CGGBP1: variants seen among roughly 807,000 people sequenced by gnomAD.
CGGBP1 encodes CGG triplet repeat-binding protein 1.
A neutral mutation model predicts 11.4 loss-of-function variants in CGGBP1; 4 were observed. That is an observed-to-expected ratio of 0.35 (90% CI 0.17 to 0.80). The LOEUF (loss-of-function observed/expected upper bound fraction) is 0.80. Ranked by LOEUF, CGGBP1 falls within the 30% of genes least tolerant of loss-of-function variation. The pLI is 0.52. For synonymous variants in CGGBP1, 76 were observed against 74.1 expected (o/e 1.03, Z -0.13); for missense variants, 135 against 202.1 (o/e 0.67, Z 2.01).
chr3:88,089,219 C>T (rs1260338727), intron 2 of CGGBP1, among the ~76,000 whole-genome samples: 2 of 144,778 alleles, frequency 1.4e-5, no homozygotes, highest in Non-Finnish European at 3.0e-5. Flanking sequence ...AGCCCGGGTG[C>T]GGTGGCTCAC....
Position 88,055,696 on chromosome 3 carries a change from C to A in CGGBP1, c.281G>T (p.Ser94Ile). 6.2e-7 allele frequency: 1 copy of A among 1,614,212 alleles called. No individual in the cohort carries two copies. Among genetic ancestry groups the A allele is most frequent in the Non-Finnish European group, 8.5e-7 (1 of 1,180,038 alleles). The change falls in exon 4 of 4, where the codon AGT becomes ATT. Residue 94 changes from serine to isoleucine, a missense_variant. Coordinates refer to ENST00000482016, the MANE Select transcript of CGGBP1 (RefSeq NM_001008390.2). The surrounding 1 kb of genome is among the most constrained non-coding windows in gnomAD (Gnocchi z 4.2). ...ACTGACTTTCTCTGTTTGCGCAGTA[C>A]TGTTGCACTGAAGAGATGCAGTTAG... The part of the protein sequence containing the change: ...RPLTASLQCN[S>I]TAQTEKVSVI...
At chr3:88,069,606 T>C (rs940231205) in intron 2 of CGGBP1, among the ~76,000 whole-genome samples, 1 of 152,164 alleles carries the variant, frequency 6.6e-6, no homozygotes, top group Non-Finnish European at 1.5e-5. Context: ...CCTTATATAA[T>C]TGGCAAGCTT....
At chr3:88,128,867 A>C in intron 2 of CGGBP1, 2 of 1,535,574 alleles carry the variant, frequency 1.3e-6, no homozygotes, top group Admixed American at 3.9e-5. Context: ...CCAGATACCT[A>C]ATTGCTTGTG....
chr3:88,066,242 A>T (rs1707191774), intron 2 of CGGBP1, among the ~76,000 whole-genome samples: 1 of 152,158 alleles, frequency 6.6e-6, no homozygotes, highest in Non-Finnish European at 1.5e-5. Context: ...CATGACTATT[A>T]TTGCTTTCCA....
At chr3:88,141,555 T>C in intron 1 of CGGBP1, 1 of 951,086 alleles carries the variant, frequency 1.1e-6, no homozygotes, top group Non-Finnish European at 1.5e-6. Context: ...TCCTTTAAAA[T>C]GACAGGGTAT....
At chr3:88,091,698 T>C (rs1708638688) in intron 2 of CGGBP1, among the ~76,000 whole-genome samples, 2 of 152,156 alleles carry the variant, frequency 1.3e-5, no homozygotes, top group Non-Finnish European at 2.9e-5. Flanking sequence ...GGTCGGGTTT[T>C]TCCTGTGCTG....
intron 2 of CGGBP1, among the ~76,000 whole-genome samples, chr3:88,105,512 G>T (rs1160179286): frequency 6.6e-6 from 1 of 151,882 alleles, no homozygotes; most frequent in South Asian, 2.1e-4. Context: ...ACCTCTTTTT[G>T]AATTTTTGCC....
chr3:88,101,524 G>A (rs1187817374), intron 2 of CGGBP1, among the ~76,000 whole-genome samples: 1 of 151,976 alleles, frequency 6.6e-6, no homozygotes, highest in East Asian at 1.9e-4. Context: ...TTTATCAGTA[G>A]CTCATTTCTT....
At position 88,132,943 on chromosome 3, in the gene CGGBP1, A is replaced by G. The variant is rs75113624; in HGVS notation, c.-229+8027T>C. 4.5e-4 allele frequency among the ~76,000 whole-genome samples: 69 copies of G among 152,308 alleles called. No homozygotes were observed. The East Asian group carries it at 0.013, about 29-fold the overall frequency. On this transcript the variant is annotated intron_variant, in intron 2 of 3. Transcript: ENST00000462901. ...GTGCAGTATGAGCTACATGAAAGCT[A>G]CATGGAAGGCCACAGGTAGTTCTCA... is the stretch of plus-strand genomic sequence containing the variant.
At chr3:88,132,790 C>G (rs1344734408) in intron 2 of CGGBP1, among the ~76,000 whole-genome samples, 1 of 152,164 alleles carries the variant, frequency 6.6e-6, no homozygotes, top group East Asian at 1.9e-4. Flanking sequence ...ATAATCCCAA[C>G]CTTTATGTGT....
chr3:88,120,535 T>G (rs756089593), intron 2 of CGGBP1, among the ~76,000 whole-genome samples: 6 of 152,024 alleles, frequency 3.9e-5, no homozygotes, highest in Non-Finnish European at 8.8e-5. Flanking sequence ...CAGGAGATGG[T>G]GAAGAAAATT....
intron 3 of CGGBP1, chr3:88,056,470 A>C (rs1488797964): frequency 6.6e-6 from 1 of 152,292 alleles, no homozygotes; most frequent in African/African-American, 2.4e-5. Context: ...AGGTGGGCCT[A>C]TAAACTGCCA....
intron 2 of CGGBP1, among the ~76,000 whole-genome samples, chr3:88,068,508 G>C (rs576400196): frequency 1.3e-5 from 2 of 152,226 alleles, no homozygotes; most frequent in Admixed American, 1.3e-4. Context: ...TCTACAACTA[G>C]AGTTTATTGA....
intron 2 of CGGBP1, among the ~76,000 whole-genome samples, chr3:88,088,793 G>GATGC (rs1291742989): frequency 5.3e-5 from 8 of 151,882 alleles, no homozygotes; most frequent in African/African-American, 1.9e-4. Context: ...TGGATGGATG[G>GATGC]ATGGAGTCTG....
At chr3:88,086,414 T>C in intron 2 of CGGBP1, 1 of 1,483,688 alleles carries the variant, frequency 6.7e-7, no homozygotes, top group East Asian at 2.5e-5. Context: ...TAAGTACTTT[T>C]TACTTCTTAT....
chr3:88,059,157 G>A, upstream of CGGBP1: 1 of 1,328,762 alleles, frequency 7.5e-7, no homozygotes. Flanking sequence ...AAAACTGGGG[G>A]CGTGGGTGGG....
chr3:88,058,462 G>C (rs1278686083), intron 1 of CGGBP1, among the ~76,000 whole-genome samples: 6 of 152,168 alleles, frequency 3.9e-5, no homozygotes, highest in Non-Finnish European at 7.4e-5. Context: ...GGGCGGGGGC[G>C]GGGGAGAGGC....
At chr3:88,135,165 G>C (rs1486031810) in intron 2 of CGGBP1, 2 of 1,485,020 alleles carry the variant, frequency 1.3e-6, no homozygotes, top group African/African-American at 2.9e-5. Flanking sequence ...ACTAATGTGA[G>C]AGTCATATTT....
intron 1 of CGGBP1, chr3:88,143,181 A>G (rs1707209443): frequency 6.6e-6 from 1 of 152,300 alleles, no homozygotes; most frequent in South Asian, 2.1e-4. Context: ...GGTAGCATCC[A>G]TATTTTATTA....
Sources: gnomAD v4.1 joint callset for allele counts (sites outside exome capture counted in the v4.1 genomes callset) on GRCh38, gnomAD v4.1.1 for gene constraint, Gnocchi (gnomAD v3.1) non-coding constraint, MANE v1.5 for transcripts, NCBI Gene and HGNC (gene_info 2026-07-23, HGNC 2026-07-21) for gene names.